The following NXN variants were observed in gnomAD, a reference collection of about 807,000 sequenced individuals.
NXN encodes the protein nucleoredoxin, also known as nucleoredoxin 1.
A neutral mutation model predicts 48.6 loss-of-function variants in NXN; 16 were observed. The ratio of observed to expected loss-of-function variants is 0.33; its 90% CI spans 0.22 to 0.50. NXN has a LOEUF of 0.50. NXN is among the 20% of genes least tolerant of loss of function. The pLI is 0.98. For synonymous variants in NXN, 281 were observed against 269.6 expected (o/e 1.04, Z -0.41); for missense variants, 492 against 605.5 (o/e 0.81, Z 1.97).
chr17:930,254 G>A (rs2068840152), intron 1 of NXN: 1 of 152,106 alleles, frequency 6.6e-6, no homozygotes, highest in Non-Finnish European at 1.5e-5. Context: ...GGCCAAGATG[G>A]TGAAACCCCA....
intron 1 of NXN, among the ~76,000 whole-genome samples, chr17:970,115 C>T (rs1196407356): frequency 1.3e-5 from 2 of 152,086 alleles, no homozygotes; most frequent in South Asian, 2.1e-4. Context: ...ACCGGCAAGC[C>T]GCAGAAAATT....
At chr17:806,141 C>T (rs1057397807) in intron 5 of NXN, among the ~76,000 whole-genome samples, 4 of 150,040 alleles carry the variant, frequency 2.7e-5, no homozygotes, top group Non-Finnish European at 5.9e-5. Flanking sequence ...CAGCCCTCCC[C>T]GCTCCCCAGG....
chr17:841,402 GGTCCCCCCT>G, intron 1 of NXN, among the ~76,000 whole-genome samples: 2 of 124,216 alleles, frequency 1.6e-5, no homozygotes, highest in Admixed American at 1.7e-4. Flanking sequence ...CCGGCGAGCA[GGTCCCCCCT>G]GACCACGGCG....
At chr17:957,308 A>T (rs1469823580) in intron 1 of NXN, among the ~76,000 whole-genome samples, 1 of 151,762 alleles carries the variant, frequency 6.6e-6, no homozygotes, top group East Asian at 1.9e-4. Flanking sequence ...ACCCCCCGGG[A>T]TCTTCTCTGC....
intron 1 of NXN, among the ~76,000 whole-genome samples, chr17:862,192 G>A (rs2068047929): frequency 6.6e-6 from 1 of 151,552 alleles, no homozygotes; most frequent in Admixed American, 6.6e-5. Context: ...ACAATTTAAA[G>A]CCCAGGATTC....
chr17:848,313 T>A (rs1448485064), intron 1 of NXN, among the ~76,000 whole-genome samples: 1 of 152,162 alleles, frequency 6.6e-6, no homozygotes. Flanking sequence ...AATTTCTTTG[T>A]ATTTTTAGGA....
At chr17:868,735 G>T (rs377225095) in intron 1 of NXN, among the ~76,000 whole-genome samples, 3 of 151,980 alleles carry the variant, frequency 2.0e-5, no homozygotes, top group Non-Finnish European at 4.4e-5. Context: ...CTCGTGATCC[G>T]CCCGCCTCGG....
chr17:827,178 T>C (rs141191275), intron 1 of NXN, among the ~76,000 whole-genome samples: 1 of 152,240 alleles, frequency 6.6e-6, no homozygotes, highest in African/African-American at 2.4e-5. Flanking sequence ...ACCCCGTCTC[T>C]ACTTAAAATA....
intron 1 of NXN, among the ~76,000 whole-genome samples, chr17:940,343 C>T (rs1015739097): frequency 6.6e-6 from 1 of 151,956 alleles, no homozygotes; most frequent in African/African-American, 2.4e-5. Context: ...ATCTTCCCAT[C>T]TCTGTCTCCT....
chr17:880,910 A>C (rs1351571430), intron 1 of NXN, among the ~76,000 whole-genome samples: 1 of 152,184 alleles, frequency 6.6e-6, no homozygotes, highest in Non-Finnish European at 1.5e-5. Flanking sequence ...AAAATCCCAC[A>C]GCCTGGGCCA....
At chr17:921,481 C>A (rs995437710) in intron 1 of NXN, among the ~76,000 whole-genome samples, 1 of 152,170 alleles carries the variant, frequency 6.6e-6, no homozygotes, top group Non-Finnish European at 1.5e-5. Flanking sequence ...CCCTCTGCAT[C>A]TGTGGCTTGT....
chr17:925,032 G>A (rs189813076), intron 1 of NXN, among the ~76,000 whole-genome samples: 162 of 152,340 alleles, frequency 1.1e-3, no homozygotes, highest in African/African-American at 3.7e-3. Context: ...GGGAGCAGCC[G>A]GCGGATTCAG....
At chr17:807,669 C>T (rs537594022) in intron 5 of NXN, among the ~76,000 whole-genome samples, 50 of 152,346 alleles carry the variant, frequency 3.3e-4, no homozygotes, top group African/African-American at 1.1e-3. Flanking sequence ...CGTGTTGGGC[C>T]GCGTGACTGT....
At chr17:931,002 C>T (rs2068847540) in intron 1 of NXN, among the ~76,000 whole-genome samples, 1 of 152,068 alleles carries the variant, frequency 6.6e-6, no homozygotes. Flanking sequence ...AACTCCTGAC[C>T]TCATGATCCG....
intron 1 of NXN, among the ~76,000 whole-genome samples, chr17:938,506 C>T (rs1265262402): frequency 6.6e-6 from 1 of 151,510 alleles, no homozygotes; most frequent in African/African-American, 2.4e-5. Flanking sequence ...ATGGCGAAAC[C>T]CCCGTCTCTA....
At chr17:815,740 T>C (rs1369141290) in intron 5 of NXN, among the ~76,000 whole-genome samples, 1 of 152,240 alleles carries the variant, frequency 6.6e-6, no homozygotes, top group Admixed American at 6.5e-5. Context: ...CTGTTATCTG[T>C]TTTATTCAAG....
intron 1 of NXN, among the ~76,000 whole-genome samples, chr17:850,446 A>G (rs2067911752): frequency 6.6e-6 from 1 of 152,246 alleles, no homozygotes; most frequent in Admixed American, 6.5e-5. Context: ...GGACATGAGA[A>G]AAGTCAGTCC....
chr17:955,661 C>T (rs1240665823), intron 1 of NXN, among the ~76,000 whole-genome samples: 1 of 150,008 alleles, frequency 6.7e-6, no homozygotes, highest in Non-Finnish European at 1.5e-5. Context: ...CCTCGGGAGG[C>T]CGAGGCGGGC....
intron 1 of NXN, among the ~76,000 whole-genome samples, chr17:900,994 C>A (rs1382213269): frequency 1.5e-5 from 2 of 133,574 alleles, no homozygotes; most frequent in Admixed American, 9.1e-5. Context: ...GATCTTGGTT[C>A]ATTGCAACCT....
Sources: allele counts gnomAD v4.1 joint callset (sites outside exome capture counted in the v4.1 genomes callset), GRCh38; gene constraint gnomAD v4.1.1; transcripts MANE v1.5; gene names NCBI Gene and HGNC (gene_info 2026-07-23, HGNC 2026-07-21).